Variants in PPM1L observed in about 807,000 individuals in gnomAD.
The protein encoded by PPM1L is protein phosphatase, Mg2+/Mn2+ dependent 1L, also known as protein phosphatase 1L.
In PPM1L, 13 loss-of-function variants were observed where a neutral mutation model predicts 31.4. The observed-to-expected ratio is 0.41, with a 90% CI of 0.27 to 0.66. The LOEUF is 0.66. PPM1L is among the 30% of genes least tolerant of loss of function. The pLI, the probability that PPM1L is intolerant of heterozygous loss-of-function variation, is 0.29. For missense variants in PPM1L, 326 were observed against 453.7 expected (o/e 0.72, Z 2.56); for synonymous variants, 184 against 175.4 (o/e 1.05, Z -0.39).
At chr3:160,897,652 A>G (rs1014818432) in intron 1 of PPM1L, among the ~76,000 whole-genome samples, 1 of 152,194 alleles carries the variant, frequency 6.6e-6, no homozygotes. Flanking sequence ...TGTGCATTGG[A>G]TTAGGTGATC....
At chr3:160,822,812 A>G (rs536110359) in intron 1 of PPM1L, among the ~76,000 whole-genome samples, 13 of 152,228 alleles carry the variant, frequency 8.5e-5, no homozygotes, top group Admixed American at 7.2e-4. Flanking sequence ...TGGAGTATCT[A>G]TTATGTTCAA....
chr3:160,773,205 C>T lies in PPM1L; in HGVS notation c.399+16498C>T, dbSNP rs115525812. On this transcript the variant is annotated intron_variant, in intron 1 of 3. Transcript: ENST00000498165. ...TTTAGCCATTGTAGTAGGTGTGAAG[C>T]AGTATCTCAATGTAGTTTTAGTTTG... 7.3e-3 allele frequency among the ~76,000 whole-genome samples: 1,118 copies of T among 152,264 alleles called. 13 individuals are homozygous for T. Among genetic ancestry groups the T allele is most frequent in the African/African-American group, 0.026 (1,067 of 41,548 alleles).
In PPM1L at chr3:161,070,205, T is replaced by G. The variant is rs1719864992; in HGVS notation, c.*1048T>G. 6.6e-6 allele frequency: 1 copy of G among 152,240 alleles called. No individual in the cohort carries two copies. Among genetic ancestry groups the G allele is most frequent in the Admixed American group, 6.5e-5 (1 of 15,284 alleles). 9.4% of individuals were successfully genotyped at this position (152,240 alleles called of 1,614,324 possible). A position where few individuals can be genotyped will look rare whatever the true frequency, so the allele number is the denominator to read the frequency against. On this transcript the variant is annotated 3_prime_UTR_variant, in exon 4 of 4. Transcript: ENST00000498165. ...GTGGTTTTCAAGTGTCAGGCAGTGT[T>G]CTGAGAAGCAGCAGCCTATAACTGT... is the stretch of plus-strand genomic sequence containing the variant.
At chr3:160,783,620 A>G in intron 1 of PPM1L, among the ~76,000 whole-genome samples, 1 of 151,168 alleles carries the variant, frequency 6.6e-6, no homozygotes, top group East Asian at 1.9e-4. Context: ...AAAAAGAAAA[A>G]GAAAGAAAGA....
chr3:160,923,058 T>C (rs555560551), intron 1 of PPM1L, among the ~76,000 whole-genome samples: 3 of 152,212 alleles, frequency 2.0e-5, no homozygotes, highest in South Asian at 4.1e-4. Context: ...AACATGGAGA[T>C]TATTACTAGC....
chr3:160,908,662 C>T (rs1403068472), intron 1 of PPM1L, among the ~76,000 whole-genome samples: 1 of 152,006 alleles, frequency 6.6e-6, no homozygotes, highest in Admixed American at 6.6e-5. Flanking sequence ...ATAGTGTAGG[C>T]GTATGGTGAT....
intron 1 of PPM1L, among the ~76,000 whole-genome samples, chr3:160,949,004 A>G (rs913266883): frequency 2.0e-5 from 3 of 152,184 alleles, no homozygotes. Context: ...AGTAGATTCT[A>G]GAGTCCTACC....
chr3:160,847,679 AC>A (rs1407649835), intron 1 of PPM1L, among the ~76,000 whole-genome samples: 1 of 152,174 alleles, frequency 6.6e-6, no homozygotes, highest in Non-Finnish European at 1.5e-5. Context: ...ACAAAACAAA[AC>A]AAAACAAAGC....
intron 1 of PPM1L, among the ~76,000 whole-genome samples, chr3:160,840,734 GA>G (rs757571142): frequency 6.8e-6 from 1 of 148,048 alleles, no homozygotes; most frequent in Non-Finnish European, 1.5e-5. Context: ...GAGAGAGAGA[GA>G]GAGAGAAGGA....
chr3:161,053,715 G>T (rs563612194), intron 2 of PPM1L, among the ~76,000 whole-genome samples: 1 of 152,252 alleles, frequency 6.6e-6, no homozygotes, highest in East Asian at 1.9e-4. Flanking sequence ...TGTGGAAAAG[G>T]TCTTTCTGGC....
chr3:160,934,666 T>C (rs1714900991), intron 1 of PPM1L, among the ~76,000 whole-genome samples: 1 of 152,126 alleles, frequency 6.6e-6, no homozygotes, highest in African/African-American at 2.4e-5. Flanking sequence ...ATATTTTACA[T>C]CATTGGCCGG....
At chr3:160,787,695 T>A (rs1711976637) in intron 1 of PPM1L, among the ~76,000 whole-genome samples, 2 of 152,208 alleles carry the variant, frequency 1.3e-5, no homozygotes, top group African/African-American at 4.8e-5. Flanking sequence ...CAGAATGGTA[T>A]TTCCTAGGTT....
chr3:160,864,084 A>G (rs976974223), intron 1 of PPM1L, among the ~76,000 whole-genome samples: 5 of 152,184 alleles, frequency 3.3e-5, no homozygotes, highest in Admixed American at 2.0e-4. Context: ...ACCACTCCGT[A>G]TTGAATTGCT....
At position 160,804,219 on chromosome 3, in the gene PPM1L, A is replaced by C. The variant is rs137922009; in HGVS notation, c.399+47512A>C. ...AGTGCTGGGATTACAGGCGTGAGCC[A>C]CCATGCCCGGCTGAGATTGTTAACT... On this transcript the variant is annotated intron_variant, in intron 1 of 3. Coordinates refer to ENST00000498165, the MANE Select transcript of PPM1L (RefSeq NM_139245.4). Among the ~76,000 whole-genome samples, 1,460 of 152,218 alleles carry C rather than the reference A, an allele frequency of 9.6e-3. 21 individuals are homozygous for C. The highest frequency in any genetic ancestry group is 0.032 in the African/African-American group (1,346 of 41,526).
intron 2 of PPM1L, among the ~76,000 whole-genome samples, chr3:161,034,310 A>G (rs1191595609): frequency 6.6e-6 from 1 of 152,194 alleles, no homozygotes; most frequent in Non-Finnish European, 1.5e-5. Flanking sequence ...TAGAACCAGA[A>G]TTACCATTTG....
chr3:160,828,153 C>A (rs1713412142), intron 1 of PPM1L, among the ~76,000 whole-genome samples: 1 of 152,018 alleles, frequency 6.6e-6, no homozygotes, highest in Admixed American at 6.6e-5. Context: ...AGTGGGGAGT[C>A]ATCCAAGCTC....
At chr3:160,996,415 T>TA (rs377050786) in intron 2 of PPM1L, among the ~76,000 whole-genome samples, 6 of 151,954 alleles carry the variant, frequency 3.9e-5, no homozygotes, top group Non-Finnish European at 8.8e-5. Flanking sequence ...AACGAGTGGA[T>TA]AAAAAAAATT....
intron 1 of PPM1L, among the ~76,000 whole-genome samples, chr3:160,826,984 G>T (rs1263980124): frequency 3.9e-5 from 6 of 152,054 alleles, no homozygotes; most frequent in African/African-American, 9.7e-5. Flanking sequence ...AAAAGCAGGG[G>T]GAAAGAAAGG....
At chr3:160,878,108 C>G (rs1947146) in intron 1 of PPM1L, among the ~76,000 whole-genome samples, 1 of 152,138 alleles carries the variant, frequency 6.6e-6, no homozygotes, top group South Asian at 2.1e-4. Context: ...TTCTTTTTAA[C>G]TCCTATAATC....
Sources: allele counts gnomAD v4.1 joint callset (sites outside exome capture counted in the v4.1 genomes callset), GRCh38; gene constraint gnomAD v4.1.1; transcripts MANE v1.5; gene names NCBI Gene and HGNC (gene_info 2026-07-23, HGNC 2026-07-21).